Variants in SLC16A2 observed in about 807,000 individuals in gnomAD.
SLC16A2 encodes the protein monocarboxylate transporter 8.
SLC16A2 carries 3 observed loss-of-function variants against 27.2 expected under a neutral mutation model. That is an observed-to-expected ratio of 0.11 (90% CI 0.05 to 0.28). The LOEUF (loss-of-function observed/expected upper bound fraction) is 0.28. Among genes scored for constraint, SLC16A2 ranks in the 10% least tolerant of loss-of-function variants. SLC16A2 has a pLI of 1.00. For missense variants in SLC16A2, 295 were observed against 458.5 expected, an observed-to-expected ratio of 0.64 and a Z score of 3.26; for synonymous variants, 202 against 187.8, an observed-to-expected ratio of 1.08 and a Z score of -0.62.
chrX:74,532,648 G>A lies in SLC16A2; in HGVS notation c.*1095G>A, dbSNP rs1447915841. ...CTATATTTCTACCTGGGCCAGGCCAGGAAAGAGACTATTTAAGAAAAAAAA... is the reference window on the plus strand; with the variant it reads ...CTATATTTCTACCTGGGCCAGGCCAAGAAAGAGACTATTTAAGAAAAAAAA... On this transcript the variant is annotated 3_prime_UTR_variant, in exon 6 of 6. Coordinates refer to ENST00000587091, the MANE Select transcript of SLC16A2 (RefSeq NM_006517.5). The A allele has an allele frequency of 9.2e-6, 1 of 109,201 alleles. No homozygotes were observed. The highest frequency in any genetic ancestry group is 2.9e-4 in the East Asian group (1 of 3,495). The allele number at this position is 109,201 out of a possible 1,213,427, so 9.0% of individuals were successfully genotyped here.
At chrX:74,481,890 A>G (rs747408040) in intron 1 of SLC16A2, among the ~76,000 whole-genome samples, 1 of 109,477 alleles carries the variant, frequency 9.1e-6, no homozygotes, top group Non-Finnish European at 1.9e-5. Flanking sequence ...AGTGTTTTAA[A>G]TGTATTTTCA....
At chrX:74,496,027 G>T (rs952006969) in intron 1 of SLC16A2, among the ~76,000 whole-genome samples, 1 of 110,863 alleles carries the variant, frequency 9.0e-6, no homozygotes, top group African/African-American at 3.3e-5. Context: ...GCTCTTCAAG[G>T]AGCCCAACTG....
At chrX:74,442,228 C>CAAAAAA (rs1278847714) in intron 1 of SLC16A2, among the ~76,000 whole-genome samples, 3 of 38,365 alleles carry the variant, frequency 7.8e-5, no homozygotes, top group African/African-American at 1.8e-4. Flanking sequence ...AACTCCGTCT[C>CAAAAAA]AAAAAAAAAA....
chrX:74,531,657 C>A lies in SLC16A2; in HGVS notation c.*104C>A. The A allele has an allele frequency of 1.6e-6, 1 of 616,773 alleles. No individual in the cohort carries two copies. The highest frequency in any genetic ancestry group is 2.7e-6 in the Non-Finnish European group (1 of 363,754). The allele number at this position is 616,773 out of a possible 1,213,427, so 50.8% of individuals were successfully genotyped here. On this transcript the variant is annotated 3_prime_UTR_variant, in exon 6 of 6. Coordinates refer to ENST00000587091, the MANE Select transcript of SLC16A2 (RefSeq NM_006517.5). The stretch of plus-strand genomic sequence containing the variant: ...CAGCACACTTGTTCCCAGACCTGCG[C>A]ACACAGCATTTCAGCCACCTGACAA...
Position 74,504,425 on chromosome X carries a change from A to T in SLC16A2, c.431-16565A>T, listed in dbSNP as rs571384124. Among the ~76,000 whole-genome samples the T allele has an allele frequency of 9.0e-5, 10 of 111,409 alleles. No homozygotes were observed. In the South Asian group the frequency reaches 3.4e-3, roughly 38 times the overall value. On this transcript the variant is annotated intron_variant, in intron 1 of 5. Transcript: ENST00000587091. ...CCCCTACTACAGAGGCACCTGTCAC[A>T]TAAGTAGCCAGTACCCAACCCAGAC...
Position 74,453,571 on chromosome X carries a change from T to TTTTA in SLC16A2, c.430+31521_430+31524dup, listed in dbSNP as rs772057691. ...CTGTTCCTTTAAAAAAACTGTTATT[T>TTTTA]TTTATTTATTTATTTATTTAGAAAT... On this transcript the variant is annotated intron_variant, in intron 1 of 5. Transcript: ENST00000587091. Among the ~76,000 whole-genome samples the TTTTA allele has an allele frequency of 2.3e-3, 262 of 111,545 alleles. 1 individual carries two copies. The highest frequency in any genetic ancestry group is 7.9e-3 in the African/African-American group (242 of 30,668).
At chrX:74,504,491 C>G (rs1233781690) in intron 1 of SLC16A2, among the ~76,000 whole-genome samples, 2 of 112,119 alleles carry the variant, frequency 1.8e-5, no homozygotes, top group Non-Finnish European at 1.9e-5. Context: ...GGGCCTGGGA[C>G]ATGTGCTCTC....
chrX:74,512,186 C>T (rs776854028), intron 1 of SLC16A2, among the ~76,000 whole-genome samples: 2 of 112,295 alleles, frequency 1.8e-5, no homozygotes, highest in South Asian at 7.5e-4. Flanking sequence ...TTCCAACTAT[C>T]CCATTTATTC....
intron 1 of SLC16A2, among the ~76,000 whole-genome samples, chrX:74,503,695 C>A (rs1035481270): frequency 2.7e-5 from 3 of 111,697 alleles, no homozygotes; most frequent in African/African-American, 9.8e-5. Context: ...TAACTTGCTT[C>A]GTATCCTTGG....
intron 1 of SLC16A2, among the ~76,000 whole-genome samples, chrX:74,435,526 CAT>C (rs1555980967): frequency 5.8e-5 from 4 of 68,549 alleles, no homozygotes; most frequent in South Asian, 8.9e-4. Flanking sequence ...TATATATATG[CAT>C]ATATATATGT....
rs745644052 is a variant in SLC16A2 at position 74,453,571 on chromosome X, T to A, written c.430+31504T>A. On this transcript the variant is annotated intron_variant, in intron 1 of 5. Coordinates refer to ENST00000587091, the MANE Select transcript of SLC16A2 (RefSeq NM_006517.5). Reference sequence around the variant, plus strand: ...CTGTTCCTTTAAAAAAACTGTTATTTTTTATTTATTTATTTATTTAGAAAT... The same window carrying A: ...CTGTTCCTTTAAAAAAACTGTTATTATTTATTTATTTATTTATTTAGAAAT... Among the ~76,000 whole-genome samples the A allele has an allele frequency of 8.1e-5, 9 of 111,546 alleles. No homozygotes were observed. The South Asian group carries it at 1.9e-3, about 24-fold the overall frequency.
chrX:74,482,718 G>C (rs1265732439), intron 1 of SLC16A2, among the ~76,000 whole-genome samples: 1 of 108,593 alleles, frequency 9.2e-6, no homozygotes, highest in Admixed American at 9.9e-5. Context: ...TTTTTTCTTA[G>C]ACAGGGTCTC....
At chrX:74,482,875 TTTTG>T (rs1479145000) in intron 1 of SLC16A2, among the ~76,000 whole-genome samples, 1 of 110,738 alleles carries the variant, frequency 9.0e-6, no homozygotes, top group Non-Finnish European at 1.9e-5. Context: ...TTTCAGCTAA[TTTTG>T]TTTATTTTTT....
At chrX:74,518,338 A>T (rs1930349302) in intron 1 of SLC16A2, among the ~76,000 whole-genome samples, 1 of 112,215 alleles carries the variant, frequency 8.9e-6, no homozygotes. Context: ...TCACGCCTAT[A>T]ATCCCAGCAC....
chrX:74,477,401 A>G (rs1159696195), intron 1 of SLC16A2, among the ~76,000 whole-genome samples: 1 of 111,005 alleles, frequency 9.0e-6, no homozygotes, highest in Non-Finnish European at 1.9e-5. Flanking sequence ...CTAGCGGTCT[A>G]TCCATTTTGT....
At position 74,473,852 on chromosome X, in the gene SLC16A2, C is replaced by T. The variant is rs924191362; in HGVS notation, c.431-47138C>T. 62 of 500,267 alleles carry T rather than the reference C, an allele frequency of 1.2e-4. No individual in the cohort carries two copies. In the Admixed American group the frequency reaches 1.6e-3, roughly 13 times the overall value. The allele number at this position is 500,267 out of a possible 1,213,427, so 41.2% of individuals were successfully genotyped here. On this transcript the variant is annotated intron_variant, in intron 1 of 5. Transcript: ENST00000587091. ...GAGCATTCCCCATTGTTTAAAATGACTCAACCATTTTGAGCCATTTTCAGG... is the reference window on the plus strand; with the variant it reads ...GAGCATTCCCCATTGTTTAAAATGATTCAACCATTTTGAGCCATTTTCAGG...
At chrX:74,426,013 A>G (rs922594356) in intron 1 of SLC16A2, among the ~76,000 whole-genome samples, 1 of 111,667 alleles carries the variant, frequency 9.0e-6, no homozygotes, top group Admixed American at 9.5e-5. Context: ...AGGCATGGGG[A>G]AGAATGATAC....
At chrX:74,500,881 CCA>C (rs1273597750) in intron 1 of SLC16A2, among the ~76,000 whole-genome samples, 2 of 110,174 alleles carry the variant, frequency 1.8e-5, no homozygotes, top group Non-Finnish European at 3.8e-5. Context: ...ACCGGATGTT[CCA>C]GTTTATAAAT....
chrX:74,470,146 A>T (rs1378881582), intron 1 of SLC16A2, among the ~76,000 whole-genome samples: 1 of 112,050 alleles, frequency 8.9e-6, no homozygotes, highest in African/African-American at 3.2e-5. Flanking sequence ...TCATGGCCTG[A>T]TAGCCAATTT....
Sources: gnomAD v4.1 joint callset for allele counts (sites outside exome capture counted in the v4.1 genomes callset) on GRCh38, gnomAD v4.1.1 for gene constraint, MANE v1.5 for transcripts, NCBI Gene and HGNC (gene_info 2026-07-23, HGNC 2026-07-21) for gene names.